Variants in GPR107 observed in about 807,000 individuals in gnomAD.
GPR107 encodes the protein protein GPR107.
GPR107 carries 31 observed loss-of-function variants against 75.5 expected under a neutral mutation model. That is an observed-to-expected ratio of 0.41 (90% confidence interval 0.31 to 0.55). The LOEUF (loss-of-function observed/expected upper bound fraction) is 0.55, where lower values mean the gene tolerates loss of function less well. Among genes scored for constraint, GPR107 ranks in the 20% least tolerant of loss-of-function variants. GPR107 has a pLI of 0.26. For missense variants in GPR107, 572 were observed against 665.7 expected (o/e 0.86, Z 1.55); for synonymous variants, 267 against 251.3 (o/e 1.06, Z -0.59).
chr9:130,068,677 G>A (rs936599868), intron 1 of GPR107, among the ~76,000 whole-genome samples: 3 of 151,880 alleles, frequency 2.0e-5, no homozygotes, highest in Non-Finnish European at 2.9e-5. Context: ...TAGCAGAACT[G>A]TCAGTATAAA....
intron 1 of GPR107, among the ~76,000 whole-genome samples, chr9:130,059,031 G>A (rs977307503): frequency 1.3e-5 from 2 of 152,306 alleles, no homozygotes; most frequent in East Asian, 3.9e-4. Flanking sequence ...ATATCCAGGA[G>A]TGGAGTAGAA....
chr9:130,092,346 T>C lies in GPR107; in HGVS notation c.828T>C (p.Ser276=). The C allele has an allele frequency of 6.2e-7, 1 of 1,612,126 alleles. No homozygotes were observed. The highest frequency in any genetic ancestry group is 8.5e-7 in the Non-Finnish European group (1 of 1,178,142). The change falls in exon 9 of 18, where the codon TCT becomes TCC. Residue 276 remains serine (S), a synonymous_variant. Transcript: ENST00000347136. ...YISMAFFFFL[S]GTIWIHILRK... The stretch of plus-strand genomic sequence containing the variant: ...CAATGGCCTTTTTCTTCTTTCTTTC[T>C]GGGACCATCTGGATTCATATCCTTC...
intron 6 of GPR107, among the ~76,000 whole-genome samples, chr9:130,085,754 A>ATTTTGTTTTTTTTTTTTTTTT (rs1830598349): frequency 1.3e-5 from 1 of 78,674 alleles, no homozygotes; most frequent in Non-Finnish European, 2.4e-5. Flanking sequence ...CAATATTTTG[A>ATTTTGTTTTTTTTTTTTTTTT]TTTTTTTTTT....
intron 9 of GPR107, among the ~76,000 whole-genome samples, chr9:130,096,744 C>T (rs1192195917): frequency 6.6e-6 from 1 of 152,158 alleles, no homozygotes; most frequent in Non-Finnish European, 1.5e-5. Context: ...AGGCGTGAGC[C>T]ACTGCGTCTG....
At chr9:130,128,523 G>A (rs115465367) in intron 16 of GPR107, 117 bp from the exon 17 acceptor site, 2 of 864,280 alleles carry the variant, frequency 2.3e-6, no homozygotes, top group East Asian at 4.9e-5. Context: ...TGGCATCTGA[G>A]TAAAGAACCA....
intron 17 of GPR107, among the ~76,000 whole-genome samples, chr9:130,131,669 C>T (rs2132659510): frequency 6.6e-6 from 1 of 152,230 alleles, no homozygotes; most frequent in Middle Eastern, 3.4e-3. Context: ...GCTCGCCCCT[C>T]CCCATTGTTC....
At chr9:130,116,675 C>T (rs1039508151) in intron 14 of GPR107, among the ~76,000 whole-genome samples, 2 of 152,118 alleles carry the variant, frequency 1.3e-5, no homozygotes, top group Admixed American at 1.3e-4. Context: ...TTCTCGGGTG[C>T]CTTTGGTGCA....
At chr9:130,110,043 C>T (rs1013866064) in intron 14 of GPR107, among the ~76,000 whole-genome samples, 2 of 152,164 alleles carry the variant, frequency 1.3e-5, no homozygotes, top group Non-Finnish European at 2.9e-5. Context: ...CTCGATCCTG[C>T]CCGTTGATGA....
chr9:130,071,931 C>T (rs139235396), intron 1 of GPR107, among the ~76,000 whole-genome samples: 8,443 of 145,460 alleles, frequency 0.058, 311 homozygotes, highest in Non-Finnish European at 0.086. Context: ...GTGATCCGTC[C>T]GCCGCGGCCT....
At chr9:130,108,703 C>A (rs1018031600) in intron 14 of GPR107, 2 of 455,646 alleles carry the variant, frequency 4.4e-6, no homozygotes, top group African/African-American at 4.0e-5. Context: ...CCTGCACCAG[C>A]TTTTGTTTTC....
At chr9:130,111,037 G>A (rs954033902) in intron 14 of GPR107, among the ~76,000 whole-genome samples, 3 of 151,754 alleles carry the variant, frequency 2.0e-5, no homozygotes, top group Non-Finnish European at 2.9e-5. Flanking sequence ...AATTTTTGTA[G>A]AGATGAGGTC....
intron 14 of GPR107, among the ~76,000 whole-genome samples, chr9:130,120,631 A>G (rs76795474): frequency 0.022 from 3,406 of 151,550 alleles, 54 homozygotes; most frequent in Middle Eastern, 0.034. Context: ...TGCCCCATCC[A>G]CTCCTCGATC....
At chr9:130,128,359 G>A (rs1307296009) in intron 16 of GPR107, among the ~76,000 whole-genome samples, 1 of 152,214 alleles carries the variant, frequency 6.6e-6, no homozygotes, top group Non-Finnish European at 1.5e-5. Context: ...TGTAGGCACT[G>A]TGGGAGGAAG....
intron 14 of GPR107, among the ~76,000 whole-genome samples, chr9:130,120,164 G>A (rs1391420585): frequency 6.6e-6 from 1 of 152,212 alleles, no homozygotes; most frequent in African/African-American, 2.4e-5. Context: ...GACAGCACTT[G>A]TTGTCCCCAA....
chr9:130,066,421 A>G (rs1187870522), intron 1 of GPR107, among the ~76,000 whole-genome samples: 1 of 152,156 alleles, frequency 6.6e-6, no homozygotes, highest in African/African-American at 2.4e-5. Flanking sequence ...GACGATGATG[A>G]TGATTGTGCC....
intron 9 of GPR107, among the ~76,000 whole-genome samples, chr9:130,094,671 G>A (rs1485349473): frequency 6.6e-6 from 1 of 151,102 alleles, no homozygotes; most frequent in South Asian, 2.1e-4. Flanking sequence ...GTTTTGTTTT[G>A]TTTGTTTTTG....
intron 1 of GPR107, among the ~76,000 whole-genome samples, chr9:130,067,999 C>G (rs972381957): frequency 6.6e-6 from 1 of 151,834 alleles, no homozygotes; most frequent in Non-Finnish European, 1.5e-5. Flanking sequence ...CTCAGCCCCC[C>G]AAAGTGCTGG....
At position 130,071,596 on chromosome 9, in the gene GPR107, T is replaced by C. The variant is rs79301380; in HGVS notation, c.142-4040T>C. 8.9e-3 allele frequency among the ~76,000 whole-genome samples: 1,360 copies of C among 152,246 alleles called. 15 individuals carry two copies. The highest frequency in any genetic ancestry group is 0.031 in the African/African-American group (1,296 of 41,538). On this transcript the variant is annotated intron_variant, in intron 1 of 17. Coordinates refer to ENST00000347136, the MANE Select transcript of GPR107 (RefSeq NM_020960.5). Reference sequence around the variant, plus strand: ...GGTCAGAAATCATAGGTAAAGCCCTTGGCACATAACCTAGTTCTTGGAAGA... The same window carrying C: ...GGTCAGAAATCATAGGTAAAGCCCTCGGCACATAACCTAGTTCTTGGAAGA...
At chr9:130,059,831 C>T (rs982882682) in intron 1 of GPR107, among the ~76,000 whole-genome samples, 7 of 151,628 alleles carry the variant, frequency 4.6e-5, no homozygotes, top group Non-Finnish European at 1.0e-4. Flanking sequence ...CTCTGCCTCC[C>T]GGGTTCAAGT....
Sources: gnomAD v4.1 joint callset for allele counts (sites outside exome capture counted in the v4.1 genomes callset) on GRCh38, gnomAD v4.1.1 for gene constraint, MANE v1.5 for transcripts, NCBI Gene and HGNC (gene_info 2026-07-23, HGNC 2026-07-21) for gene names.